The following CLDN16 variants were observed in gnomAD, a reference collection of about 807,000 sequenced individuals.
CLDN16 encodes claudin 16, also known as claudin-16.
In CLDN16, 13 loss-of-function variants were observed where a neutral mutation model predicts 24.6. The ratio of observed to expected loss-of-function variants is 0.53; its 90% CI spans 0.34 to 0.84. The LOEUF (loss-of-function observed/expected upper bound fraction) is 0.84, where lower values mean the gene tolerates loss of function less well. CLDN16 is among the 40% of genes least tolerant of loss of function. The pLI, the probability that CLDN16 is intolerant of heterozygous loss-of-function variation, is 0.01. For synonymous variants in CLDN16, 116 were observed against 106.7 expected (o/e 1.09, Z -0.54); for missense variants, 298 against 292.7 (o/e 1.02, Z -0.13).
chr3:190,341,004 T>C (rs937624665), intron 1 of CLDN16, among the ~76,000 whole-genome samples: 1 of 152,210 alleles, frequency 6.6e-6, no homozygotes, highest in African/African-American at 2.4e-5. Flanking sequence ...TGGGTTCCCA[T>C]GGTCTTGGGC....
the CLDN16 span, among the ~76,000 whole-genome samples, chr3:190,313,866 C>T: frequency 6.6e-6 from 1 of 152,136 alleles, no homozygotes; most frequent in Non-Finnish European, 1.5e-5. Context: ...GACATTATCA[C>T]TATGTTTCTT....
the CLDN16 span, among the ~76,000 whole-genome samples, chr3:190,301,933 C>T: frequency 6.6e-6 from 1 of 152,104 alleles, no homozygotes; most frequent in Admixed American, 6.6e-5. Context: ...GACTTATTAT[C>T]TTTTGCTTTC....
chr3:190,321,626 A>G (rs1716923934), upstream of CLDN16, among the ~76,000 whole-genome samples: 1 of 152,156 alleles, frequency 6.6e-6, no homozygotes, highest in Non-Finnish European at 1.5e-5. Context: ...TCTGAACTCT[A>G]CCAATCCTCA....
At chr3:190,308,507 GA>G in the CLDN16 span, 36 of 1,429,828 alleles carry the variant, frequency 2.5e-5, no homozygotes, top group African/African-American at 1.7e-4. Context: ...ATAATAAAAG[GA>G]AAAAAAATCA....
At chr3:190,309,184 T>C in the CLDN16 span, among the ~76,000 whole-genome samples, 3 of 152,300 alleles carry the variant, frequency 2.0e-5, no homozygotes, top group African/African-American at 7.2e-5. Flanking sequence ...CCTGCCTCAA[T>C]AGACTGCTTT....
At chr3:190,377,963 A>G (rs951009486) in intron 3 of CLDN16, among the ~76,000 whole-genome samples, 2 of 152,000 alleles carry the variant, frequency 1.3e-5, no homozygotes, top group African/African-American at 4.8e-5. Flanking sequence ...TAGCAGAGAA[A>G]GATATGGGGA....
At chr3:190,337,092 GT>G (rs1717328440) in intron 1 of CLDN16, among the ~76,000 whole-genome samples, 1 of 152,194 alleles carries the variant, frequency 6.6e-6, no homozygotes, top group Admixed American at 6.5e-5. Context: ...ATCTCAGTAT[GT>G]TGGTGTGGAC....
At chr3:190,367,281 T>C (rs1718044055) in intron 1 of CLDN16, among the ~76,000 whole-genome samples, 1 of 152,018 alleles carries the variant, frequency 6.6e-6, no homozygotes, top group South Asian at 2.1e-4. Context: ...GAAAGCAAGA[T>C]AATCATTACT....
rs562616396 is a variant in CLDN16 at position 190,359,782 on chromosome 3, T to C, written n.122-11111T>C. Among the ~76,000 whole-genome samples the C allele has an allele frequency of 2.6e-5, 4 of 152,112 alleles. No homozygotes were observed. The South Asian group carries it at 8.3e-4, about 32-fold the overall frequency. ...CAAAGCAGAGAAAATGGTTAGAATA[T>C]TTCTTAAATAAGAAAGGTAGGTCTA... On this transcript the variant is annotated intron_variant and non_coding_transcript_variant, in intron 1 of 4. Coordinates refer to the CLDN16 transcript ENST00000468220.
intron 3 of CLDN16, among the ~76,000 whole-genome samples, chr3:190,379,278 A>T (rs796273679): frequency 3.3e-5 from 5 of 152,086 alleles, no homozygotes; most frequent in Non-Finnish European, 5.9e-5. Flanking sequence ...TGAATGTAAA[A>T]TGTATTCCAA....
At chr3:190,402,241 G>C in intron 1 of CLDN16, 96 bp from the exon 2 acceptor site, 1 of 879,154 alleles carries the variant, frequency 1.1e-6, no homozygotes, top group Non-Finnish European at 2.0e-6. Flanking sequence ...CACTTACTTT[G>C]CTATCAAACA....
intron 3 of CLDN16, among the ~76,000 whole-genome samples, chr3:190,406,179 A>T (rs1320318134): frequency 2.0e-5 from 3 of 152,216 alleles, no homozygotes; most frequent in Admixed American, 6.5e-5. Context: ...CTGACTGCCT[A>T]ACCCTTTGTA....
the CLDN16 span, among the ~76,000 whole-genome samples, chr3:190,296,548 ATT>A: frequency 3.3e-4 from 44 of 133,670 alleles, no homozygotes; most frequent in Non-Finnish European, 3.2e-4. Flanking sequence ...GTCAGATTTA[ATT>A]TTTTTTTTTT....
the CLDN16 span, among the ~76,000 whole-genome samples, chr3:190,316,215 T>C: frequency 6.6e-6 from 1 of 152,174 alleles, no homozygotes; most frequent in African/African-American, 2.4e-5. Context: ...ACCATAGAAA[T>C]GAGATCCTGC....
chr3:190,388,067 A>G, upstream of CLDN16: 1 of 1,544,156 alleles, frequency 6.5e-7, no homozygotes, highest in Non-Finnish European at 8.9e-7. Flanking sequence ...CCCGAAACAC[A>G]CTCAGCCCTT....
At chr3:190,368,938 T>G (rs1022609974) in intron 1 of CLDN16, among the ~76,000 whole-genome samples, 2 of 151,990 alleles carry the variant, frequency 1.3e-5, no homozygotes, top group Non-Finnish European at 2.9e-5. Flanking sequence ...GTAGAGGCCC[T>G]GCCTTTAAAT....
At chr3:190,373,181 G>A (rs1169431768) in intron 2 of CLDN16, among the ~76,000 whole-genome samples, 4 of 151,982 alleles carry the variant, frequency 2.6e-5, no homozygotes, top group African/African-American at 7.2e-5. Context: ...CTTTGAAAAT[G>A]AGGCTCAAGG....
At chr3:190,313,666 A>G in the CLDN16 span, among the ~76,000 whole-genome samples, 1 of 152,202 alleles carries the variant, frequency 6.6e-6, no homozygotes, top group African/African-American at 2.4e-5. Flanking sequence ...TTGAGATGTT[A>G]CCTTGGGACA....
the CLDN16 span, among the ~76,000 whole-genome samples, chr3:190,316,757 A>G: frequency 6.6e-6 from 1 of 152,206 alleles, no homozygotes; most frequent in Non-Finnish European, 1.5e-5. Context: ...TTAAATTAGA[A>G]CATGTCTTTA....
Sources: allele counts gnomAD v4.1 joint callset (sites outside exome capture counted in the v4.1 genomes callset), GRCh38; gene constraint gnomAD v4.1.1; transcripts MANE v1.5; gene names NCBI Gene and HGNC (gene_info 2026-07-23, HGNC 2026-07-21).